MAP2: variants seen among roughly 807,000 people sequenced by gnomAD.
MAP2 encodes the protein microtubule associated protein 2, also known as microtubule-associated protein 2.
MAP2 carries 14 observed loss-of-function variants against 137.6 expected under a neutral mutation model. That is an observed-to-expected ratio of 0.10 (90% confidence interval 0.07 to 0.16). The LOEUF is 0.16. MAP2 is among the 10% of genes least tolerant of loss of function. MAP2 has a pLI of 1.00. For missense variants in MAP2, 2,088 were observed against 2,191.5 expected, an observed-to-expected ratio of 0.95 and a Z score of 0.94; for synonymous variants, 786 against 782.3, an observed-to-expected ratio of 1.00 and a Z score of -0.08.
chr2:209,733,239 A>G lies in MAP2; in HGVS notation c.*2842A>G, dbSNP rs1295062574. ...CTTGCAACCAGAAATTGGATACCTC[A>G]TAATGATGCAGGAAAGACCCGAGTT... On this transcript the variant is annotated 3_prime_UTR_variant, in exon 16 of 16. Transcript: ENST00000682079. 1 of 152,654 alleles carries G rather than the reference A, an allele frequency of 6.6e-6. No homozygotes were observed. Among genetic ancestry groups the G allele is most frequent in the Non-Finnish European group, 1.5e-5 (1 of 68,042 alleles). The allele number at this position is 152,654 out of a possible 1,614,324, so 9.5% of individuals were successfully genotyped here. A position where few individuals can be genotyped will look rare whatever the true frequency, so the allele number is the denominator to read the frequency against.
intron 3 of MAP2, among the ~76,000 whole-genome samples, chr2:209,591,364 TAG>T (rs1015981561): frequency 5.3e-5 from 8 of 152,348 alleles, no homozygotes; most frequent in African/African-American, 1.4e-4. Context: ...CTTTCTGCAA[TAG>T]AGAGTTATCT....
intron 2 of MAP2, among the ~76,000 whole-genome samples, chr2:209,510,211 GT>G (rs971658188): frequency 1.3e-5 from 2 of 151,046 alleles, no homozygotes; most frequent in Admixed American, 6.6e-5. Context: ...TTTTCCTCCA[GT>G]TTTTTTTGTG....
At chr2:209,427,237 T>C (rs1692798273) in intron 1 of MAP2, among the ~76,000 whole-genome samples, 1 of 152,170 alleles carries the variant, frequency 6.6e-6, no homozygotes, top group South Asian at 2.1e-4. Flanking sequence ...CAGTAGAAGA[T>C]AGCACCACCC....
In MAP2 at chr2:209,563,797, G is replaced by T. The variant is rs288083; in HGVS notation, c.-171-16239G>T. Among the ~76,000 whole-genome samples, 1,307 of 152,250 alleles carry T rather than the reference G, an allele frequency of 8.6e-3. 19 individuals carry two copies. Among genetic ancestry groups the T allele is most frequent in the African/African-American group, 0.029 (1,223 of 41,546 alleles). On this transcript the variant is annotated intron_variant, in intron 2 of 15. Transcript: ENST00000682079. Reference sequence around the variant, plus strand: ...ATGTACTTTCATCTGAAACAGACAGGTGTCTTATTCACTTTATACTTTGCT... The same window carrying T: ...ATGTACTTTCATCTGAAACAGACAGTTGTCTTATTCACTTTATACTTTGCT...
At chr2:209,483,040 A>G (rs1370026948) in intron 1 of MAP2, among the ~76,000 whole-genome samples, 2 of 152,228 alleles carry the variant, frequency 1.3e-5, no homozygotes, top group Non-Finnish European at 2.9e-5. Flanking sequence ...CTGAGTTTAG[A>G]ACTAAAGTCC....
chr2:209,555,505 A>G (rs1363675512), intron 2 of MAP2, among the ~76,000 whole-genome samples: 2 of 152,180 alleles, frequency 1.3e-5, no homozygotes, highest in African/African-American at 4.8e-5. Context: ...TGGACTGGAG[A>G]TAAGGTAAAT....
intron 6 of MAP2, among the ~76,000 whole-genome samples, chr2:209,680,336 G>C (rs2054014961): frequency 2.0e-5 from 3 of 152,088 alleles, no homozygotes; most frequent in African/African-American, 7.2e-5. Flanking sequence ...TTGAACAATA[G>C]AGAGTTCTAA....
chr2:209,506,198 T>C (rs536091890), intron 1 of MAP2, among the ~76,000 whole-genome samples: 70 of 152,250 alleles, frequency 4.6e-4, no homozygotes, highest in African/African-American at 1.5e-3. Context: ...AAAAAAAATC[T>C]CCACAGATGT....
chr2:209,642,013 G>A (rs1224592158), intron 4 of MAP2, among the ~76,000 whole-genome samples: 8 of 152,118 alleles, frequency 5.3e-5, no homozygotes, highest in Admixed American at 2.0e-4. Context: ...GCAATGGAAC[G>A]GATGTTGGGA....
At chr2:209,569,236 T>G (rs529952491) in intron 2 of MAP2, among the ~76,000 whole-genome samples, 107 of 151,970 alleles carry the variant, frequency 7.0e-4, no homozygotes, top group African/African-American at 2.5e-3. Flanking sequence ...TTTTATCTCA[T>G]GATTTCTGAA....
chr2:209,454,343 T>C (rs1701032111), intron 1 of MAP2, among the ~76,000 whole-genome samples: 1 of 152,046 alleles, frequency 6.6e-6, no homozygotes, highest in African/African-American at 2.4e-5. Flanking sequence ...ATACTGAATA[T>C]ATAAAGAGAG....
Position 209,439,425 on chromosome 2 carries a change from GA to G in MAP2, c.-222+15157del, listed in dbSNP as rs201965091. On this transcript the variant is annotated intron_variant, in intron 1 of 15. Transcript: ENST00000682079. ...TGCATAGACTCATAAAGGAAGTACT[GA>G]AAAAAAATCTAAGTTGAAACTAAAC... 1.1e-3 allele frequency among the ~76,000 whole-genome samples: 172 copies of G among 151,360 alleles called. 3 individuals are homozygous for G. In the East Asian group the frequency reaches 0.026, roughly 23 times the overall value.
At chr2:209,474,988 A>C (rs1706823911) in intron 1 of MAP2, among the ~76,000 whole-genome samples, 1 of 152,002 alleles carries the variant, frequency 6.6e-6, no homozygotes, top group Non-Finnish European at 1.5e-5. Flanking sequence ...CTCTAGTATT[A>C]TTCTTGATTG....
intron 3 of MAP2, among the ~76,000 whole-genome samples, chr2:209,588,139 C>G (rs1475752706): frequency 6.6e-6 from 1 of 152,134 alleles, no homozygotes; most frequent in Non-Finnish European, 1.5e-5. Context: ...TCTACTCTTT[C>G]CATAATGGAC....
intron 14 of MAP2, among the ~76,000 whole-genome samples, chr2:209,728,981 A>G (rs2075127555): frequency 1.3e-5 from 2 of 152,268 alleles, no homozygotes; most frequent in African/African-American, 2.4e-5. Flanking sequence ...ACATCAGCAG[A>G]CACTCAGAAA....
chr2:209,555,107 T>C (rs1174956800), intron 2 of MAP2, among the ~76,000 whole-genome samples: 1 of 151,988 alleles, frequency 6.6e-6, no homozygotes, highest in Non-Finnish European at 1.5e-5. Flanking sequence ...AGATGATTCA[T>C]ACAGAAGATA....
At chr2:209,590,091 C>T (rs1209176806) in intron 3 of MAP2, among the ~76,000 whole-genome samples, 6 of 152,080 alleles carry the variant, frequency 3.9e-5, no homozygotes, top group African/African-American at 1.4e-4. Context: ...AGTGCAGCGA[C>T]CCACCTCTTC....
chr2:209,695,664 T>C lies in MAP2; in HGVS notation c.3494T>C (p.Ile1165Thr). 1.2e-6 allele frequency: 2 copies of C among 1,614,072 alleles called. No individual in the cohort carries two copies. The highest frequency in any genetic ancestry group is 1.7e-6 in the Non-Finnish European group (2 of 1,179,986). ...SPESSLIQDE[I>T]AVKLSVEIPC... ...GAATCATCTCTAATTCAAGATGAGATTGCCGTCAAATTGTCAGTGGAAATA... is the reference window on the plus strand; with the variant it reads ...GAATCATCTCTAATTCAAGATGAGACTGCCGTCAAATTGTCAGTGGAAATA... The change falls in exon 8 of 16, where the codon ATT becomes ACT. Residue 1165 changes from isoleucine to threonine, a missense_variant. Ile to Thr is a moderately conservative substitution (Grantham distance 89). Around this residue, in one of 6 missense-constraint regions of MAP2, gnomAD observed 591 missense variants for 642.6 expected, o/e 0.92. Coordinates refer to ENST00000682079, the MANE Select transcript of MAP2 (RefSeq NM_001375505.1).
chr2:209,456,551 A>G (rs1238992443), intron 1 of MAP2, among the ~76,000 whole-genome samples: 3 of 152,226 alleles, frequency 2.0e-5, no homozygotes, highest in Non-Finnish European at 2.9e-5. Context: ...GAAAGCCTGC[A>G]AAGATACCAA....
Sources: allele counts gnomAD v4.1 joint callset (sites outside exome capture counted in the v4.1 genomes callset), GRCh38; gene constraint gnomAD v4.1.1; regional missense constraint gnomAD v4.1.1; transcripts MANE v1.5; gene names NCBI Gene and HGNC (gene_info 2026-07-23, HGNC 2026-07-21).